Variants in ATRNL1 observed in about 807,000 individuals in gnomAD.
ATRNL1 encodes the protein attractin like 1, also known as attractin-like protein 1.
In ATRNL1, 95 loss-of-function variants were observed where a neutral mutation model predicts 182.7. The ratio of observed to expected loss-of-function variants is 0.52; its 90% CI spans 0.44 to 0.62. The LOEUF (loss-of-function observed/expected upper bound fraction) is 0.62. Among genes scored for constraint, ATRNL1 ranks in the 20% least tolerant of loss-of-function variants. The probability of loss-of-function intolerance (pLI) is 0.00; values close to 1 mark genes in which losing one functional copy is unlikely to be tolerated. For missense variants in ATRNL1, 1,471 were observed against 1,679.5 expected (o/e 0.88, Z 2.17); for synonymous variants, 576 against 568.3 (o/e 1.01, Z -0.19).
At chr10:115,709,981 A>T (rs1156447337) in intron 26 of ATRNL1, among the ~76,000 whole-genome samples, 1 of 152,086 alleles carries the variant, frequency 6.6e-6, no homozygotes, top group Non-Finnish European at 1.5e-5. Context: ...TCTAAGTAGA[A>T]TACAAATCTG....
chr10:115,095,352 A>G (rs942357793), intron 1 of ATRNL1, among the ~76,000 whole-genome samples: 2 of 139,192 alleles, frequency 1.4e-5, no homozygotes, highest in South Asian at 2.2e-4. Flanking sequence ...TAAACACAGC[A>G]TACTTTCCTT....
chr10:115,347,060 C>T (rs146347301), intron 19 of ATRNL1, among the ~76,000 whole-genome samples: 1 of 152,042 alleles, frequency 6.6e-6, no homozygotes, highest in Admixed American at 6.6e-5. Flanking sequence ...TTCTAACAGG[C>T]AGAGTGCTTT....
intron 18 of ATRNL1, among the ~76,000 whole-genome samples, chr10:115,317,172 G>T (rs1854338849): frequency 6.6e-6 from 1 of 152,064 alleles, no homozygotes; most frequent in Non-Finnish European, 1.5e-5. Flanking sequence ...TTGAATAGGA[G>T]ATCCTTTCCC....
chr10:115,365,701 A>G (rs1856998897), intron 19 of ATRNL1, among the ~76,000 whole-genome samples: 2 of 151,612 alleles, frequency 1.3e-5, no homozygotes, highest in Admixed American at 1.3e-4. Context: ...AATGCGTCCC[A>G]GAGATTCTGG....
At chr10:115,384,854 T>C (rs1413781304) in intron 19 of ATRNL1, among the ~76,000 whole-genome samples, 3 of 139,684 alleles carry the variant, frequency 2.1e-5, no homozygotes, top group African/African-American at 5.7e-5. Flanking sequence ...TTAATTTCTC[T>C]TTTTTTTTTT....
At chr10:115,391,702 G>A (rs1844029702) in intron 19 of ATRNL1, among the ~76,000 whole-genome samples, 1 of 151,762 alleles carries the variant, frequency 6.6e-6, no homozygotes, top group Non-Finnish European at 1.5e-5. Context: ...GTATTATGAT[G>A]CATGGATAGT....
intron 15 of ATRNL1, among the ~76,000 whole-genome samples, chr10:115,290,146 CTTGAT>C (rs1287647298): frequency 6.7e-6 from 1 of 148,652 alleles, no homozygotes; most frequent in Non-Finnish European, 1.5e-5. Flanking sequence ...GTGTTACCTT[CTTGAT>C]TTATTTTCCA....
intron 19 of ATRNL1, among the ~76,000 whole-genome samples, chr10:115,378,360 G>A (rs747601198): frequency 5.9e-5 from 9 of 152,160 alleles, no homozygotes; most frequent in African/African-American, 9.7e-5. Flanking sequence ...GATGAGCCAG[G>A]CCCAAGATCC....
intron 10 of ATRNL1, among the ~76,000 whole-genome samples, chr10:115,250,837 T>A (rs947152306): frequency 1.3e-5 from 2 of 152,220 alleles, no homozygotes; most frequent in Admixed American, 1.3e-4. Flanking sequence ...TTCTTGCCCA[T>A]CTGGCCCAAT....
At chr10:115,168,207 T>C (rs1282961541) in intron 7 of ATRNL1, among the ~76,000 whole-genome samples, 2 of 152,302 alleles carry the variant, frequency 1.3e-5, no homozygotes, top group African/African-American at 2.4e-5. Flanking sequence ...TATGGAAATA[T>C]ACCGTGTTGT....
chr10:115,606,954 C>A (rs1315761476), intron 26 of ATRNL1, among the ~76,000 whole-genome samples: 1 of 151,940 alleles, frequency 6.6e-6, no homozygotes, highest in Non-Finnish European at 1.5e-5. Flanking sequence ...GCGTTTGTTA[C>A]AGTTCAGTGA....
At chr10:115,881,319 G>A (rs115680052) in intron 28 of ATRNL1, among the ~76,000 whole-genome samples, 1,735 of 152,194 alleles carry the variant, frequency 0.011, 38 homozygotes, top group African/African-American at 0.04. Context: ...CATTTCAGCC[G>A]GTGCCCAGCC....
intron 11 of ATRNL1, 33 bp from the exon 12 acceptor site, chr10:115,266,764 G>C (rs571547211): frequency 1.5e-6 from 2 of 1,335,360 alleles, no homozygotes; most frequent in Non-Finnish European, 2.1e-6. Flanking sequence ...TTTTAATAGC[G>C]TTTCTTTAAG....
chr10:115,268,050 C>G (rs895161649), intron 12 of ATRNL1, among the ~76,000 whole-genome samples: 1 of 152,038 alleles, frequency 6.6e-6, no homozygotes, highest in Non-Finnish European at 1.5e-5. Context: ...CATGAGCTAC[C>G]GTGCCTGGCC....
intron 26 of ATRNL1, among the ~76,000 whole-genome samples, chr10:115,709,607 A>G (rs1199293468): frequency 1.3e-5 from 2 of 151,988 alleles, no homozygotes; most frequent in Non-Finnish European, 2.9e-5. Flanking sequence ...AAGGTAGAAA[A>G]GAAGAGCAAT....
At chr10:115,780,416 G>C (rs868931767) in intron 27 of ATRNL1, among the ~76,000 whole-genome samples, 13 of 152,188 alleles carry the variant, frequency 8.5e-5, no homozygotes, top group Admixed American at 3.9e-4. Flanking sequence ...GCAAGTCCTA[G>C]TGCTGTACTG....
At chr10:115,525,225 TG>T (rs1554986248) in intron 25 of ATRNL1, among the ~76,000 whole-genome samples, 1 of 152,242 alleles carries the variant, frequency 6.6e-6, no homozygotes, top group East Asian at 1.9e-4. Flanking sequence ...CACTGTTGGC[TG>T]CCCACCTATT....
chr10:115,617,387 G>C (rs932775033), intron 26 of ATRNL1, among the ~76,000 whole-genome samples: 7 of 151,282 alleles, frequency 4.6e-5, no homozygotes, highest in Non-Finnish European at 8.8e-5. Context: ...TTTAAACGGA[G>C]TCTTGCTCTG....
intron 24 of ATRNL1, among the ~76,000 whole-genome samples, chr10:115,493,465 A>G (rs968105656): frequency 4.6e-5 from 7 of 152,152 alleles, no homozygotes; most frequent in African/African-American, 1.7e-4. Context: ...TTATGGCTGT[A>G]TAGTATTCTA....
Sources: gnomAD v4.1 joint callset for allele counts (sites outside exome capture counted in the v4.1 genomes callset) on GRCh38, gnomAD v4.1.1 for gene constraint, MANE v1.5 for transcripts, NCBI Gene and HGNC (gene_info 2026-07-23, HGNC 2026-07-21) for gene names.